The following NICOL1 variants were observed in gnomAD, a reference collection of about 807,000 sequenced individuals.
The protein encoded by NICOL1 is NELL2 interacting cell ontogeny regulator 1.
chr4:2,040,554 C>T, the NICOL1 span, among the ~76,000 whole-genome samples: 5 of 152,172 alleles, frequency 3.3e-5, 1 homozygote. Flanking sequence ...CGGGGCTACC[C>T]CTCTACGGCT....
the NICOL1 span, among the ~76,000 whole-genome samples, chr4:2,039,463 A>T: frequency 1.3e-5 from 2 of 152,204 alleles, no homozygotes; most frequent in Non-Finnish European, 2.9e-5. Context: ...TGTCTCTAAA[A>T]ATTACAAAAT....
At chr4:2,041,150 T>TGGGGGGGGGGGGGGG in the NICOL1 span, among the ~76,000 whole-genome samples, 1 of 65,594 alleles carries the variant, frequency 1.5e-5, no homozygotes, top group Non-Finnish European at 3.4e-5. Context: ...CTGGGTGGGG[T>TGGGGGGGGGGGGGGG]GGGGGGGGAG....
chr4:2,042,332 C>T, the NICOL1 span: 5 of 568,746 alleles, frequency 8.8e-6, no homozygotes, highest in East Asian at 1.1e-4. Context: ...TTCAGGGCGG[C>T]CCCGCTCCCT....
the NICOL1 span, among the ~76,000 whole-genome samples, chr4:2,040,663 C>T: frequency 4.6e-5 from 7 of 152,282 alleles, no homozygotes; most frequent in Middle Eastern, 3.4e-3. Flanking sequence ...TCGGGAGGGC[C>T]GCTGCCTCCC....
At chr4:2,042,422 G>A in the NICOL1 span, 31 of 470,832 alleles carry the variant, frequency 6.6e-5, no homozygotes, top group Non-Finnish European at 9.9e-5. Flanking sequence ...CTGCTGCTGA[G>A]TCTGGCGCTG....
At chr4:2,039,941 G>A in the NICOL1 span, among the ~76,000 whole-genome samples, 1 of 152,048 alleles carries the variant, frequency 6.6e-6, no homozygotes, top group Non-Finnish European at 1.5e-5. Context: ...GCACAAATAT[G>A]TGTTATTTAT....
chr4:2,043,932 A>G, the NICOL1 span: 1 of 1,543,416 alleles, frequency 6.5e-7, no homozygotes, highest in Non-Finnish European at 8.8e-7. Context: ...ACTGAGGACC[A>G]CGCTGCTCCG....
At chr4:2,039,430 C>CA in the NICOL1 span, among the ~76,000 whole-genome samples, 21 of 150,740 alleles carry the variant, frequency 1.4e-4, no homozygotes, top group East Asian at 1.6e-3. Context: ...AAACAAAAAA[C>CA]AAAAAAAAAT....
At chr4:2,042,401 C>CTGCTGCT in the NICOL1 span, 461 of 426,530 alleles carry the variant, frequency 1.1e-3, 3 homozygotes, top group East Asian at 2.7e-3. Flanking sequence ...CCGCCGCCGC[C>CTGCTGCT]GCTGCTGCTG....
the NICOL1 span, chr4:2,043,764 G>T: frequency 1.0e-6 from 1 of 956,484 alleles, no homozygotes; most frequent in Admixed American, 2.4e-5. Flanking sequence ...TCTGTCTCAG[G>T]AGCCGGTGGA....
the NICOL1 span, chr4:2,042,711 C>A: frequency 6.8e-6 from 10 of 1,461,952 alleles, no homozygotes; most frequent in East Asian, 2.7e-4. Flanking sequence ...TGCGCCCCCT[C>A]CACCCTGACC....
chr4:2,040,519 G>C, the NICOL1 span, among the ~76,000 whole-genome samples: 1 of 152,222 alleles, frequency 6.6e-6, no homozygotes, highest in Non-Finnish European at 1.5e-5. Context: ...GTCCCCCCCA[G>C]GGCTCCGCGG....
the NICOL1 span, chr4:2,042,537 C>G: frequency 4.6e-6 from 2 of 439,006 alleles, no homozygotes; most frequent in Non-Finnish European, 8.0e-6. Context: ...GCGACAGGGG[C>G]GTGCGGGGCC....
At chr4:2,041,700 C>CA in the NICOL1 span, 1 of 362,924 alleles carries the variant, frequency 2.8e-6, no homozygotes. Context: ...GCAGCTCCCT[C>CA]AGGATCGCTC....
the NICOL1 span, chr4:2,041,740 C>T: frequency 2.2e-6 from 1 of 447,802 alleles, no homozygotes; most frequent in South Asian, 4.5e-5. Flanking sequence ...CCACAGATTT[C>T]CCACTTCCTC....
chr4:2,042,680 G>A, the NICOL1 span: 1 of 1,042,894 alleles, frequency 9.6e-7, no homozygotes, highest in South Asian at 1.5e-5. Flanking sequence ...AGTGCGTGGG[G>A]GCCTTGCGGG....
the NICOL1 span, among the ~76,000 whole-genome samples, chr4:2,038,237 G>GTGTATATATATATATATA: frequency 1.1e-5 from 1 of 91,454 alleles, no homozygotes; most frequent in Non-Finnish European, 2.3e-5. Flanking sequence ...TGATCAGTGT[G>GTGTATATATATATATATA]TATATATATA....
the NICOL1 span, chr4:2,042,285 G>C: frequency 1.6e-5 from 13 of 831,010 alleles, no homozygotes; most frequent in Non-Finnish European, 2.2e-5. Flanking sequence ...CACCGGCCCG[G>C]GGCGGGCGGG....
the NICOL1 span, chr4:2,042,359 C>T: frequency 1.6e-5 from 8 of 513,030 alleles, no homozygotes; most frequent in East Asian, 3.6e-5. Context: ...GCCATGGCCC[C>T]CCCGCCCGCG....
Sources: gnomAD v4.1 joint callset for allele counts (sites outside exome capture counted in the v4.1 genomes callset) on GRCh38, gnomAD v4.1.1 for gene constraint, MANE v1.5 for transcripts, NCBI Gene and HGNC (gene_info 2026-07-23, HGNC 2026-07-21) for gene names.